The following SORT1 variants were observed in gnomAD, a reference collection of about 807,000 sequenced individuals.
SORT1 encodes the protein sortilin.
Under a neutral mutation model 101.7 loss-of-function variants are expected in SORT1, and 39 were observed. The observed-to-expected ratio is 0.38, with a 90% CI of 0.30 to 0.50. The LOEUF (loss-of-function observed/expected upper bound fraction) is 0.50. Ranked by LOEUF, SORT1 falls within the 20% of genes least tolerant of loss-of-function variation. SORT1 has a pLI of 0.90. For missense variants in SORT1, 878 were observed against 1,040.4 expected (o/e 0.84, Z 2.15); for synonymous variants, 396 against 393.7 (o/e 1.01, Z -0.07).
At chr1:109,375,580 C>T (rs886950573) in intron 1 of SORT1, among the ~76,000 whole-genome samples, 45 of 139,970 alleles carry the variant, frequency 3.2e-4, no homozygotes, top group African/African-American at 1.2e-3. Flanking sequence ...AAAATTTCCC[C>T]AAATGTGATG....
chr1:109,361,564 C>A (rs1650722088), intron 3 of SORT1, among the ~76,000 whole-genome samples: 1 of 152,168 alleles, frequency 6.6e-6, no homozygotes, highest in Non-Finnish European at 1.5e-5. Flanking sequence ...CTCAAAAACT[C>A]TTTCTGCTTC....
At chr1:109,367,964 A>G (rs560263886) in intron 2 of SORT1, among the ~76,000 whole-genome samples, 34 of 152,292 alleles carry the variant, frequency 2.2e-4, no homozygotes, top group African/African-American at 6.5e-4. Flanking sequence ...ATGGATTACT[A>G]TAAGAGTCTA....
At chr1:109,395,549 A>C (rs1167044311) in intron 1 of SORT1, among the ~76,000 whole-genome samples, 2 of 152,090 alleles carry the variant, frequency 1.3e-5, no homozygotes, top group Non-Finnish European at 2.9e-5. Context: ...AAGGTCACTG[A>C]AAAAAAGACT....
chr1:109,365,925 T>G lies in SORT1; in HGVS notation c.440+1483A>C, dbSNP rs1043437292. On this transcript the variant is annotated intron_variant, in intron 3 of 19. Coordinates refer to ENST00000256637, the MANE Select transcript of SORT1 (RefSeq NM_002959.7). ...GGTTAGGCTAATCCATTTCAGAGCT[T>G]GAACATGGGTTCACTCCCACTTGGG... Among the ~76,000 whole-genome samples the G allele has an allele frequency of 4.3e-4, 66 of 152,324 alleles. 1 individual carries two copies. The highest frequency in any genetic ancestry group is 1.6e-3 in the African/African-American group (65 of 41,564).
intron 3 of SORT1, among the ~76,000 whole-genome samples, chr1:109,359,784 G>A (rs1386533005): frequency 6.6e-6 from 1 of 152,190 alleles, no homozygotes; most frequent in Admixed American, 6.5e-5. Flanking sequence ...ACAGGCATGA[G>A]TTACCGCATC....
intron 8 of SORT1, 95 bp downstream of exon 8, chr1:109,345,656 A>C (rs1347054679): frequency 8.1e-7 from 1 of 1,234,788 alleles, no homozygotes; most frequent in Non-Finnish European, 1.1e-6. Flanking sequence ...TAACAAAAAG[A>C]CAAGAAACTC....
At chr1:109,327,460 A>C (rs770360064) in intron 12 of SORT1, 39 bp downstream of exon 12, 1 of 1,286,784 alleles carries the variant, frequency 7.8e-7, no homozygotes, top group Admixed American at 2.0e-5. Flanking sequence ...GTGCTCAGCC[A>C]CTGTTCCAGT....
At chr1:109,386,404 G>A (rs141112167) in intron 1 of SORT1, among the ~76,000 whole-genome samples, 39 of 152,242 alleles carry the variant, frequency 2.6e-4, no homozygotes, top group African/African-American at 9.1e-4. Context: ...AACTAACAAG[G>A]GCTAGAAGGG....
At chr1:109,378,290 A>G (rs1651987553) in intron 1 of SORT1, among the ~76,000 whole-genome samples, 1 of 152,134 alleles carries the variant, frequency 6.6e-6, no homozygotes. Context: ...AAGAAAGTTA[A>G]GGTTGAAATA....
intron 1 of SORT1, among the ~76,000 whole-genome samples, chr1:109,385,595 C>T (rs979041516): frequency 4.7e-4 from 71 of 152,306 alleles, no homozygotes; most frequent in African/African-American, 1.6e-3. Context: ...ACCATAAAGG[C>T]TTGCTGCTTC....
Position 109,397,875 on chromosome 1 carries a change from TC to T in SORT1, c.17del (p.Gly6GlufsTer51). The T allele has an allele frequency of 3.3e-6, 4 of 1,210,324 alleles. No homozygotes were observed. Among genetic ancestry groups the T allele is most frequent in the South Asian group, 5.5e-5 (2 of 36,458 alleles). The allele number at this position is 1,210,324 out of a possible 1,614,324, so 75.0% of individuals were successfully genotyped here. A position where few individuals can be genotyped will look rare whatever the true frequency, so the allele number is the denominator to read the frequency against. ...GCCAGCGCGAGAGGCCGTCCGCAGC[TC>T]CCCAGGGCCGCTCCATCGCCGCCGA... MERPW[G>X]AADGLSRWPH... On this transcript the variant is annotated frameshift_variant, in exon 1 of 20. Coordinates refer to ENST00000256637, the MANE Select transcript of SORT1 (RefSeq NM_002959.7). LOFTEE classifies it high-confidence loss of function.
At chr1:109,390,771 A>ATGTGTGTATG (rs1553201566) in intron 1 of SORT1, among the ~76,000 whole-genome samples, 10 of 145,718 alleles carry the variant, frequency 6.9e-5, no homozygotes, top group African/African-American at 2.6e-4. Flanking sequence ...GTGTGTGTGT[A>ATGTGTGTATG]TGTGTGTGTG....
At chr1:109,364,086 A>G (rs1021591687) in intron 3 of SORT1, among the ~76,000 whole-genome samples, 1 of 152,210 alleles carries the variant, frequency 6.6e-6, no homozygotes, top group Non-Finnish European at 1.5e-5. Context: ...CAAACAAAAA[A>G]AGAAACAAAA....
Position 109,383,494 on chromosome 1 carries a change from G to A in SORT1, c.307-13905C>T, listed in dbSNP as rs1197343137. Among the ~76,000 whole-genome samples the A allele has an allele frequency of 2.0e-5, 3 of 152,260 alleles. No individual in the cohort carries two copies. The East Asian group carries it at 5.8e-4, about 29-fold the overall frequency. ...AATGAAAATAAAACTACAAAAGAAC[G>A]TTAAGCCTAGCTCAGTAACTAACTG... On this transcript the variant is annotated intron_variant, in intron 1 of 19. Coordinates refer to ENST00000256637, the MANE Select transcript of SORT1 (RefSeq NM_002959.7).
At chr1:109,372,368 A>G (rs901625586) in intron 1 of SORT1, among the ~76,000 whole-genome samples, 1 of 152,224 alleles carries the variant, frequency 6.6e-6, no homozygotes, top group Non-Finnish European at 1.5e-5. Flanking sequence ...TTCAGCAGCT[A>G]ACACACAGCA....
At chr1:109,339,651 A>G (rs989635396) in intron 10 of SORT1, among the ~76,000 whole-genome samples, 13 of 152,244 alleles carry the variant, frequency 8.5e-5, no homozygotes, top group Admixed American at 5.9e-4. Flanking sequence ...GTAAAATGGT[A>G]CAACCATGTG....
At chr1:109,347,141 G>C (rs1176066113) in intron 7 of SORT1, among the ~76,000 whole-genome samples, 1 of 152,194 alleles carries the variant, frequency 6.6e-6, no homozygotes, top group African/African-American at 2.4e-5. Flanking sequence ...TCAGAGTTTG[G>C]GAAGCCAGCT....
Position 109,345,861 on chromosome 1 carries a change from C to G in SORT1, c.853G>C (p.Glu285Gln). 2 of 1,613,178 alleles carry G rather than the reference C, an allele frequency of 1.2e-6. No homozygotes were observed. Among genetic ancestry groups the G allele is most frequent in the East Asian group, 2.2e-5 (1 of 44,868 alleles). ...GSCKADLGALELWRTSDLGKS... is the reference protein window; with the variant it reads ...GSCKADLGALQLWRTSDLGKS... Reference sequence around the variant, plus strand: ...CCCAAGTCTGAAGTTCTCCATAATTCCAGAGCCCCAAGGTCAGCTTCTTAA... The same window carrying G: ...CCCAAGTCTGAAGTTCTCCATAATTGCAGAGCCCCAAGGTCAGCTTCTTAA... Residue 285 changes from glutamate (E) to glutamine (Q), a missense_variant, in exon 8 of 20, where the codon GAA becomes CAA. By Grantham distance (29) the Glu-to-Gln change is conservative. Transcript: ENST00000256637.
intron 5 of SORT1, among the ~76,000 whole-genome samples, chr1:109,351,769 T>C: frequency 6.6e-6 from 1 of 152,134 alleles, no homozygotes; most frequent in Non-Finnish European, 1.5e-5. Flanking sequence ...GTGGAGTACT[T>C]GGACGTGAAT....
Sources: gnomAD v4.1 joint callset for allele counts (sites outside exome capture counted in the v4.1 genomes callset) on GRCh38, gnomAD v4.1.1 for gene constraint, MANE v1.5 for transcripts, NCBI Gene and HGNC (gene_info 2026-07-23, HGNC 2026-07-21) for gene names.